The following LMBR1 variants were observed in gnomAD, a reference collection of about 807,000 sequenced individuals.
LMBR1 encodes the protein limb development membrane protein 1, also known as limb region 1 protein homolog.
LMBR1 carries 52 observed loss-of-function variants against 73.9 expected under a neutral mutation model. The ratio of observed to expected loss-of-function variants is 0.70; its 90% confidence interval spans 0.56 to 0.89. LMBR1 has a LOEUF of 0.89. LMBR1 is among the 40% of genes least tolerant of loss of function. The pLI is 0.00. For missense variants in LMBR1, 539 were observed against 579.8 expected (o/e 0.93, Z 0.72); for synonymous variants, 215 against 209.4 (o/e 1.03, Z -0.23).
chr7:156,670,435 T>C lies in LMBR1; in HGVS notation n.867-1148A>G, dbSNP rs939555792. The stretch of plus-strand genomic sequence containing the variant: ...TGGCGCAGGATGTCACTGTCAGAAT[T>C]TGAAGAGAAAAGAGAACACGTGGGA... On this transcript the variant is annotated intron_variant and non_coding_transcript_variant, in intron 4 of 4. Coordinates refer to the LMBR1 transcript ENST00000430825. This position sits in a 1 kb window ranked among gnomAD's most constrained non-coding sequence, Gnocchi z 4.3. Among the ~76,000 whole-genome samples, 3 of 152,078 alleles carry C rather than the reference T, an allele frequency of 2.0e-5. No individual in the cohort carries two copies. The highest frequency in any genetic ancestry group is 4.4e-5 in the Non-Finnish European group (3 of 68,014).
Position 156,892,987 on chromosome 7 carries a change from C to T in LMBR1, c.7G>A (p.Gly3Arg), listed in dbSNP as rs537237432. ME[G>R]QDEVSAREQH... ...TCCCGCGCCGACACCTCGTCCTGCC[C>T]TTCCATCCTCCTTCATGCCCGCCGC... Residue 3 changes from glycine to arginine, a missense_variant, in exon 1 of 17, where the codon GGG becomes AGG. Around this residue, in one of 3 missense-constraint regions of LMBR1, gnomAD observed 454 missense variants for 473.4 expected, o/e 0.96. Coordinates refer to ENST00000353442, the MANE Select transcript of LMBR1 (RefSeq NM_022458.4). 10 of 1,534,548 alleles carry T rather than the reference C, an allele frequency of 6.5e-6. No homozygotes were observed. Among genetic ancestry groups the T allele is most frequent in the African/African-American group, 1.4e-5 (1 of 70,084 alleles).
intron 5 of LMBR1, among the ~76,000 whole-genome samples, chr7:156,783,218 G>A (rs1827462621): frequency 6.6e-6 from 1 of 151,996 alleles, no homozygotes; most frequent in South Asian, 2.1e-4. Flanking sequence ...ATCACCAAAA[G>A]TGAAGTGCAG....
chr7:156,807,121 T>C (rs1386601048), intron 4 of LMBR1, among the ~76,000 whole-genome samples: 1 of 152,230 alleles, frequency 6.6e-6, no homozygotes. Context: ...AGTGTTACAT[T>C]TGATTCGCTA....
chr7:156,872,709 A>C (rs1361052027), intron 1 of LMBR1, among the ~76,000 whole-genome samples: 1 of 152,126 alleles, frequency 6.6e-6, no homozygotes, highest in Non-Finnish European at 1.5e-5. Flanking sequence ...GTATCCTGAA[A>C]ACCATAAAAC....
intron 1 of LMBR1, among the ~76,000 whole-genome samples, chr7:156,856,011 A>G (rs1332565391): frequency 9.2e-5 from 14 of 151,964 alleles, no homozygotes; most frequent in Admixed American, 7.9e-4. Context: ...CTGGCTAACA[A>G]GGTGAAACCC....
chr7:156,823,352 G>C (rs1047191455), intron 4 of LMBR1: 1 of 151,992 alleles, frequency 6.6e-6, no homozygotes, highest in African/African-American at 2.4e-5. Flanking sequence ...GGTCTATCAA[G>C]AGAATATAAA....
chr7:156,728,116 A>G, intron 11 of LMBR1, 109 bp from the exon 12 acceptor site: 1 of 746,492 alleles, frequency 1.3e-6, no homozygotes, highest in South Asian at 1.7e-5. Flanking sequence ...AGCAGTCAAG[A>G]CCAAAACGCT....
intron 1 of LMBR1, among the ~76,000 whole-genome samples, chr7:156,892,096 T>A (rs896532029): frequency 2.6e-5 from 4 of 152,214 alleles, no homozygotes; most frequent in Non-Finnish European, 4.4e-5. Flanking sequence ...AACATCAAAG[T>A]AGACTTTCCA....
chr7:156,697,098 G>C (rs1221807802), intron 15 of LMBR1, among the ~76,000 whole-genome samples: 1 of 152,170 alleles, frequency 6.6e-6, no homozygotes, highest in African/African-American at 2.4e-5. Flanking sequence ...GGGCCGCCAG[G>C]GGTGACATCA....
chr7:156,863,340 C>CAT (rs1303642140), intron 1 of LMBR1, among the ~76,000 whole-genome samples: 4 of 147,544 alleles, frequency 2.7e-5, no homozygotes, highest in African/African-American at 7.5e-5. Context: ...AGTCTTTTCA[C>CAT]ATTTTTTTTT....
At chr7:156,869,202 T>G (rs946356336) in intron 1 of LMBR1, among the ~76,000 whole-genome samples, 1 of 152,160 alleles carries the variant, frequency 6.6e-6, no homozygotes, top group Non-Finnish European at 1.5e-5. Context: ...TAAATTATCT[T>G]ACTACCAAGG....
At chr7:156,878,205 C>T (rs1330028875) in intron 1 of LMBR1, among the ~76,000 whole-genome samples, 1 of 152,088 alleles carries the variant, frequency 6.6e-6, no homozygotes, top group Non-Finnish European at 1.5e-5. Flanking sequence ...CTAGCCACAG[C>T]AATCAGACAA....
intron 15 of LMBR1, among the ~76,000 whole-genome samples, chr7:156,697,607 A>G (rs1007150786): frequency 5.9e-5 from 9 of 152,194 alleles, no homozygotes; most frequent in Non-Finnish European, 1.3e-4. Flanking sequence ...ATTTAGCGAT[A>G]TCTTCCCTAT....
At chr7:156,718,181 C>T (rs1454782409) in intron 15 of LMBR1, among the ~76,000 whole-genome samples, 1 of 152,110 alleles carries the variant, frequency 6.6e-6, no homozygotes, top group African/African-American at 2.4e-5. Context: ...GGGCAAATCA[C>T]TTGAGGTCAG....
intron 1 of LMBR1, among the ~76,000 whole-genome samples, chr7:156,837,549 CA>C (rs1423643843): frequency 6.6e-6 from 1 of 151,980 alleles, no homozygotes; most frequent in Non-Finnish European, 1.5e-5. Context: ...ACTACTAACA[CA>C]ACCAAATATT....
chr7:156,851,530 G>A (rs1796235178), intron 1 of LMBR1, among the ~76,000 whole-genome samples: 1 of 152,120 alleles, frequency 6.6e-6, no homozygotes, highest in Non-Finnish European at 1.5e-5. Flanking sequence ...TAACAAGAAT[G>A]GACGACTATA....
At chr7:156,782,883 G>A (rs117756008) in intron 5 of LMBR1, among the ~76,000 whole-genome samples, 3,523 of 152,218 alleles carry the variant, frequency 0.023, 72 homozygotes, top group Non-Finnish European at 0.034. Flanking sequence ...AGTGATTAGT[G>A]ATGGTGATAA....
intron 9 of LMBR1, chr7:156,736,521 C>T (rs546351510): frequency 6.6e-6 from 3 of 456,784 alleles, no homozygotes; most frequent in South Asian, 1.5e-5. Context: ...CTCCTCCCTC[C>T]TGAATCCATT....
chr7:156,676,879 C>T (rs1458599908), downstream of LMBR1: 2 of 505,496 alleles, frequency 4.0e-6, no homozygotes, highest in African/African-American at 3.8e-5. Context: ...AGTTTAATCA[C>T]TTCAAATATG....
Sources: gnomAD v4.1 joint callset for allele counts (sites outside exome capture counted in the v4.1 genomes callset) on GRCh38, gnomAD v4.1.1 for gene constraint, gnomAD v4.1.1 regional missense constraint, Gnocchi (gnomAD v3.1) non-coding constraint, MANE v1.5 for transcripts, NCBI Gene and HGNC (gene_info 2026-07-23, HGNC 2026-07-21) for gene names.